Variants in CCSER2 observed in about 807,000 individuals in gnomAD.
CCSER2 encodes serine-rich coiled-coil domain-containing protein 2.
CCSER2 carries 46 observed loss-of-function variants against 92.3 expected under a neutral mutation model. That is an observed-to-expected ratio of 0.50 (90% CI 0.39 to 0.64). The LOEUF is 0.64. Among genes scored for constraint, CCSER2 ranks in the 30% least tolerant of loss-of-function variants. The probability of loss-of-function intolerance (pLI) is 0.00; values close to 1 mark genes in which losing one functional copy is unlikely to be tolerated. For missense variants in CCSER2, 1,244 were observed against 1,238.9 expected, an observed-to-expected ratio of 1.00 and a Z score of -0.06; for synonymous variants, 433 against 431.4, an observed-to-expected ratio of 1.00 and a Z score of -0.04.
intron 9 of CCSER2, among the ~76,000 whole-genome samples, chr10:84,491,466 C>T (rs1196424184): frequency 6.6e-6 from 1 of 152,174 alleles, no homozygotes; most frequent in Admixed American, 6.5e-5. Flanking sequence ...AGCCTTGCTG[C>T]CACCTTGCAG....
Position 84,372,355 on chromosome 10 carries a change from T to G in CCSER2, c.1303T>G (p.Ser435Ala). 1 of 1,612,274 alleles carries G rather than the reference T, an allele frequency of 6.2e-7. No individual in the cohort carries two copies. The highest frequency in any genetic ancestry group is 8.5e-7 in the Non-Finnish European group (1 of 1,178,956). ...NRTRITPEEM[S>A]LKEEKHENGP... The stretch of plus-strand genomic sequence containing the variant: ...AACTAGAATAACTCCAGAGGAAATG[T>G]CTCTCAAAGAAGAGAAACATGAAAA... Residue 435 changes from serine (S) to alanine (A), a missense_variant, in exon 2 of 10, where the codon TCT (serine) becomes GCT (alanine). By Grantham distance (99) the Ser-to-Ala change is moderately conservative. Transcript: ENST00000372088.
At chr10:84,339,367 A>G (rs1844041379) in intron 1 of CCSER2, among the ~76,000 whole-genome samples, 1 of 151,830 alleles carries the variant, frequency 6.6e-6, no homozygotes, top group Non-Finnish European at 1.5e-5. Flanking sequence ...TAAAGATCAG[A>G]TTTTTTATTA....
intron 5 of CCSER2, among the ~76,000 whole-genome samples, chr10:84,430,633 C>A (rs1448076959): frequency 6.6e-6 from 1 of 152,190 alleles, no homozygotes; most frequent in African/African-American, 2.4e-5. Flanking sequence ...TCTCTAGTGA[C>A]TGCTGGATTT....
intron 1 of CCSER2, among the ~76,000 whole-genome samples, chr10:84,364,772 G>T (rs1845693319): frequency 7.0e-6 from 1 of 142,222 alleles, no homozygotes; most frequent in South Asian, 2.2e-4. Context: ...GATGGAGTCT[G>T]GCTCTTTTGT....
At chr10:84,330,581 C>T (rs1205967626) in intron 1 of CCSER2, among the ~76,000 whole-genome samples, 4 of 152,122 alleles carry the variant, frequency 2.6e-5, no homozygotes, top group African/African-American at 7.2e-5. Context: ...GGCCTCATCT[C>T]GGCTCACTGC....
At chr10:84,492,281 A>C (rs76961767) in intron 9 of CCSER2, among the ~76,000 whole-genome samples, 1 of 140,916 alleles carries the variant, frequency 7.1e-6, no homozygotes, top group Non-Finnish European at 1.6e-5. Flanking sequence ...CTCTGTCTCC[A>C]AAAAAAAAAA....
At chr10:84,437,148 CACAG>C (rs201519342) in intron 5 of CCSER2, among the ~76,000 whole-genome samples, 49,185 of 142,558 alleles carry the variant, frequency 0.35, 9,210 homozygotes, top group East Asian at 0.5. Context: ...CACACACACA[CACAG>C]AGAGAGAGAG....
chr10:84,394,033 C>T (rs1841679310), intron 3 of CCSER2: 1 of 152,190 alleles, frequency 6.6e-6, no homozygotes, highest in Non-Finnish European at 1.5e-5. Context: ...ATTTAATTAT[C>T]AGTATAGATC....
At chr10:84,467,328 T>C (rs1451654475) in intron 7 of CCSER2, among the ~76,000 whole-genome samples, 1 of 152,192 alleles carries the variant, frequency 6.6e-6, no homozygotes, top group Non-Finnish European at 1.5e-5. Flanking sequence ...ATTTCAAATA[T>C]GACATATATG....
intron 5 of CCSER2, among the ~76,000 whole-genome samples, chr10:84,433,754 C>G (rs10887289): frequency 0.36 from 54,137 of 151,936 alleles, 11,545 homozygotes; most frequent in East Asian, 0.5. Context: ...CTTCAAGATT[C>G]TTTTCTCTAG....
In CCSER2 at chr10:84,514,058, T is replaced by G. The variant is rs1156590960; in HGVS notation, c.2935T>G (p.Ser979Ala). The G allele has an allele frequency of 2.0e-6, 3 of 1,536,274 alleles. No homozygotes were observed. Among genetic ancestry groups the G allele is most frequent in the Non-Finnish European group, 2.6e-6 (3 of 1,146,982 alleles). The part of the protein sequence containing the change: ...NLANNQNLKA[S>A]KLRPPSGSFK... ...TGCAAATAATCAGAATCTGAAAGCA[T>G]CTAAGCTCCGCCCCCCCTCAGGCTC... Residue 979 changes from serine to alanine, a missense_variant, in exon 10 of 10, where the codon TCT becomes GCT. Coordinates refer to ENST00000372088, the MANE Select transcript of CCSER2 (RefSeq NM_001284240.2).
At position 84,337,013 on chromosome 10, in the gene CCSER2, G is replaced by C. The variant is rs1843875098; in HGVS notation, c.-40+8205G>C. On this transcript the variant is annotated intron_variant, in intron 1 of 9. Coordinates refer to ENST00000372088, the MANE Select transcript of CCSER2 (RefSeq NM_001284240.2). ...ATGGGTAAGAGCGCAGAAGAAGCAG[G>C]GTTTTAGCGGGGGAAGTAACGAGTT... Among the ~76,000 whole-genome samples, 5 of 152,300 alleles carry C rather than the reference G, an allele frequency of 3.3e-5. No individual in the cohort carries two copies. In the South Asian group the frequency reaches 1.0e-3, roughly 32 times the overall value.
chr10:84,455,766 G>A lies in CCSER2; in HGVS notation c.2065-8167G>A. The A allele has an allele frequency of 6.3e-6, 7 of 1,107,498 alleles. No individual in the cohort carries two copies. The South Asian group carries it at 8.6e-5, about 14-fold the overall frequency. 68.6% of individuals were successfully genotyped at this position (1,107,498 alleles called of 1,614,324 possible). A position where few individuals can be genotyped will look rare whatever the true frequency, so the allele number is the denominator to read the frequency against. ...TGCACATTCTCAGAGGGAACTTGAT[G>A]AACTCCAGTTAAGGTAATGTAGATT... is the stretch of plus-strand genomic sequence containing the variant. On this transcript the variant is annotated intron_variant, in intron 6 of 9. Transcript: ENST00000372088.
chr10:84,387,954 C>T (rs977075976), intron 3 of CCSER2, among the ~76,000 whole-genome samples: 2 of 152,154 alleles, frequency 1.3e-5, no homozygotes, highest in East Asian at 3.9e-4. Flanking sequence ...ACCTCCACCT[C>T]CTGGGTTCAA....
intron 6 of CCSER2, 37 bp from the exon 7 acceptor site, chr10:84,463,896 T>C: frequency 7.5e-7 from 1 of 1,340,704 alleles, no homozygotes; most frequent in Non-Finnish European, 1.1e-6. Flanking sequence ...ACAATTACTA[T>C]ATTAATCTAG....
intron 3 of CCSER2, among the ~76,000 whole-genome samples, chr10:84,416,863 G>C (rs971292930): frequency 6.6e-6 from 1 of 152,128 alleles, no homozygotes; most frequent in Admixed American, 6.5e-5. Flanking sequence ...CCCAGGAGGC[G>C]GAGCTTGCAG....
intron 3 of CCSER2, among the ~76,000 whole-genome samples, chr10:84,374,534 G>A (rs1177326005): frequency 2.6e-5 from 4 of 152,154 alleles, no homozygotes; most frequent in African/African-American, 9.7e-5. Flanking sequence ...GCAACACTTG[G>A]CACTTCCGTT....
intron 3 of CCSER2, among the ~76,000 whole-genome samples, chr10:84,384,553 A>G (rs80038307): frequency 6.6e-6 from 1 of 152,230 alleles, no homozygotes; most frequent in Non-Finnish European, 1.5e-5. Flanking sequence ...AAGAAAAAGC[A>G]TTTGATAAAA....
intron 3 of CCSER2, among the ~76,000 whole-genome samples, chr10:84,406,388 C>T (rs919992383): frequency 6.6e-6 from 1 of 151,996 alleles, no homozygotes; most frequent in South Asian, 2.1e-4. Flanking sequence ...TAAACTATAC[C>T]CCCCAAAATT....
Sources: allele counts gnomAD v4.1 joint callset (sites outside exome capture counted in the v4.1 genomes callset), GRCh38; gene constraint gnomAD v4.1.1; transcripts MANE v1.5; gene names NCBI Gene and HGNC (gene_info 2026-07-23, HGNC 2026-07-21).